SRC: variants seen among roughly 807,000 people sequenced by gnomAD.
The protein encoded by SRC is SRC proto-oncogene, non-receptor tyrosine kinase.
SRC carries 13 observed loss-of-function variants against 62.9 expected under a neutral mutation model. The ratio of observed to expected loss-of-function variants is 0.21; its 90% CI spans 0.13 to 0.33. The LOEUF (loss-of-function observed/expected upper bound fraction) is 0.33, where lower values mean the gene tolerates loss of function less well. Ranked by LOEUF, SRC falls within the 10% of genes least tolerant of loss-of-function variation. The probability of loss-of-function intolerance (pLI) is 1.00; values close to 1 mark genes in which losing one functional copy is unlikely to be tolerated. For missense variants in SRC, 457 were observed against 737.3 expected (o/e 0.62, Z 4.40); for synonymous variants, 302 against 317.5 (o/e 0.95, Z 0.52).
intron 1 of SRC, among the ~76,000 whole-genome samples, chr20:37,362,371 T>G (rs927049925): frequency 6.6e-6 from 1 of 152,074 alleles, no homozygotes; most frequent in African/African-American, 2.4e-5. Context: ...GCACAGTGAT[T>G]CTCATGGAAG....
chr20:37,382,712 C>T lies in SRC; in HGVS notation c.-79C>T, dbSNP rs1256315483. 1.3e-5 allele frequency: 2 copies of T among 152,234 alleles called. No individual in the cohort carries two copies. The highest frequency in any genetic ancestry group is 2.9e-5 in the Non-Finnish European group (2 of 68,058). The allele number at this position is 152,234 out of a possible 1,614,324, so 9.4% of individuals were successfully genotyped here. ...AGGGCCTCTATTTCGAGACCCCTGA[C>T]TCCACACCTGGTGTTTGTGCCAAGA... is the stretch of plus-strand genomic sequence containing the variant. On this transcript the variant is annotated 5_prime_UTR_variant, in exon 3 of 14. Coordinates refer to ENST00000373578, the MANE Select transcript of SRC (RefSeq NM_198291.3).
intron 5 of SRC, 114 bp downstream of exon 5, chr20:37,386,288 G>T: frequency 9.4e-7 from 1 of 1,060,960 alleles, no homozygotes. Flanking sequence ...CCAGGGCAGT[G>T]CGAAGCCCAG....
intron 1 of SRC, among the ~76,000 whole-genome samples, chr20:37,361,036 T>TG (rs890051503): frequency 2.7e-4 from 37 of 138,348 alleles, no homozygotes; most frequent in African/African-American, 7.5e-4. Context: ...TCTCAGCTTG[T>TG]GGGGGGGCAG....
At chr20:37,346,442 C>T (rs1239714705) in intron 1 of SRC, among the ~76,000 whole-genome samples, 187 bp downstream of exon 1, 2 of 149,026 alleles carry the variant, frequency 1.3e-5, no homozygotes, top group Admixed American at 6.6e-5. Context: ...CCATGCCCGG[C>T]GCGGCCTTTT....
chr20:37,381,105 C>T (rs909817879), intron 2 of SRC, among the ~76,000 whole-genome samples: 1 of 152,146 alleles, frequency 6.6e-6, no homozygotes, highest in Non-Finnish European at 1.5e-5. Context: ...CGGCTCTTAA[C>T]CTCAACCGTC....
At chr20:37,350,531 G>T (rs1267914330) in intron 1 of SRC, among the ~76,000 whole-genome samples, 1 of 152,188 alleles carries the variant, frequency 6.6e-6, no homozygotes, top group Admixed American at 6.5e-5. Context: ...GGGAGACCCA[G>T]TAGAGGCCTC....
intron 1 of SRC, among the ~76,000 whole-genome samples, chr20:37,348,830 A>G (rs1600946459): frequency 6.6e-6 from 1 of 152,282 alleles, no homozygotes; most frequent in East Asian, 1.9e-4. Flanking sequence ...AATCTTGAAG[A>G]GGGCATGTAG....
rs1328205125 is a variant in SRC, at chr20:37,397,801, C to T, written c.806C>T (p.Ser269Leu). The T allele has an allele frequency of 7.4e-6, 12 of 1,612,134 alleles. No homozygotes were observed. The highest frequency in any genetic ancestry group is 4.5e-5 in the East Asian group (2 of 44,880). The change falls in exon 9 of 14, where the codon TCG becomes TTG. Residue 269 changes from serine (S) to leucine (L), a missense_variant. Coordinates refer to ENST00000373578, the MANE Select transcript of SRC (RefSeq NM_198291.3). This position sits in a 1 kb window ranked among gnomAD's most constrained non-coding sequence, Gnocchi z 4.1. ...AKDAWEIPRE[S>L]LRLEVKLGQG... is the part of the protein sequence containing the mutation. Reference sequence around the variant, plus strand: ...GATGCCTGGGAGATCCCTCGGGAGTCGCTGCGGCTGGAGGTCAAGCTGGGC... The same window carrying T: ...GATGCCTGGGAGATCCCTCGGGAGTTGCTGCGGCTGGAGGTCAAGCTGGGC...
intron 2 of SRC, among the ~76,000 whole-genome samples, chr20:37,368,556 T>TTG (rs2070109471): frequency 7.3e-6 from 1 of 136,788 alleles, no homozygotes; most frequent in African/African-American, 2.7e-5. Flanking sequence ...TTTTTTTTTT[T>TTG]TTGTTTTTTT....
intron 5 of SRC, among the ~76,000 whole-genome samples, chr20:37,389,985 G>C (rs563669365): frequency 6.6e-6 from 1 of 152,124 alleles, no homozygotes; most frequent in Non-Finnish European, 1.5e-5. Context: ...ACTGGTGACC[G>C]CAGCCACCGG....
At chr20:37,379,991 G>A (rs1487787805) in intron 2 of SRC, among the ~76,000 whole-genome samples, 4 of 141,140 alleles carry the variant, frequency 2.8e-5, no homozygotes, top group African/African-American at 5.2e-5. Context: ...GAAAAAGACC[G>A]AGAGAGCTTG....
rs1568625190 is a variant in SRC at position 37,368,528 on chromosome 20, T to G, written c.-173+3251T>G. Among the ~76,000 whole-genome samples, 16 of 124,588 alleles carry G rather than the reference T, an allele frequency of 1.3e-4. 2 individuals are homozygous for G. Among genetic ancestry groups the G allele is most frequent in the African/African-American group, 2.6e-4 (7 of 27,260 alleles). The allele number at this position is 124,588 out of a possible 152,430, so 81.7% of individuals were successfully genotyped here. A position where few individuals can be genotyped will look rare whatever the true frequency, so the allele number is the denominator to read the frequency against. ...TTATGCCTATATTTTCTTTTTTTTT[T>G]TTTTTTTTTTTTTTTGTTTTTTTTT... On this transcript the variant is annotated intron_variant, in intron 2 of 13. Transcript: ENST00000373578.
intron 2 of SRC, among the ~76,000 whole-genome samples, chr20:37,365,657 T>C (rs1401232564): frequency 6.6e-6 from 1 of 152,028 alleles, no homozygotes; most frequent in Non-Finnish European, 1.5e-5. Context: ...ACAATCATGC[T>C]CACCGTAGCT....
chr20:37,373,816 T>C (rs1341128624), intron 2 of SRC, among the ~76,000 whole-genome samples: 2 of 152,228 alleles, frequency 1.3e-5, no homozygotes, highest in African/African-American at 4.8e-5. Flanking sequence ...CCCATATGTT[T>C]CAGGACAACT....
At chr20:37,380,492 G>A (rs998677744) in intron 2 of SRC, among the ~76,000 whole-genome samples, 1 of 152,226 alleles carries the variant, frequency 6.6e-6, no homozygotes, top group Admixed American at 6.5e-5. Context: ...AGTACTTAGA[G>A]CAAGGTCCAA....
rs770499766 is a variant in SRC, at chr20:37,404,001, G to C, written c.*622G>C. ...CTCAAACCCTGCCCTCCTTAGACCT[G>C]AGGGACCCTTCGAGATCATCACTTC... On this transcript the variant is annotated 3_prime_UTR_variant, in exon 14 of 14. Transcript: ENST00000373578. 8.5e-6 allele frequency: 2 copies of C among 235,698 alleles called. No individual in the cohort carries two copies. Among genetic ancestry groups the C allele is most frequent in the Non-Finnish European group, 1.7e-5 (2 of 119,316 alleles). 14.6% of individuals were successfully genotyped at this position (235,698 alleles called of 1,614,324 possible).
Position 37,372,627 on chromosome 20 carries a change from G to A in SRC, c.-173+7350G>A, listed in dbSNP as rs1257744277. Among the ~76,000 whole-genome samples the A allele has an allele frequency of 2.0e-5, 3 of 152,134 alleles. No individual in the cohort carries two copies. In the East Asian group the frequency reaches 5.8e-4, roughly 29 times the overall value. On this transcript the variant is annotated intron_variant, in intron 2 of 13. Transcript: ENST00000373578. ...GTCTATCCTGGAGAATGTTCCATGT[G>A]CACTTGAGAAGAACGTGTATCTGCT...
Position 37,402,064 on chromosome 20 carries a change from A to T in SRC, c.1117-371A>T, listed in dbSNP as rs1041625159. 3.3e-6 allele frequency: 1 copy of T among 302,352 alleles called. No individual in the cohort carries two copies. Among genetic ancestry groups the T allele is most frequent in the Non-Finnish European group, 6.1e-6 (1 of 165,136 alleles). 18.7% of individuals were successfully genotyped at this position (302,352 alleles called of 1,614,324 possible). A position where few individuals can be genotyped will look rare whatever the true frequency, so the allele number is the denominator to read the frequency against. ...GTGACGAGGATTGGCTGTTATTCCCATTGGACGGATGAGAAAACTGAGGCT... is the reference window on the plus strand; with the variant it reads ...GTGACGAGGATTGGCTGTTATTCCCTTTGGACGGATGAGAAAACTGAGGCT... On this transcript the variant is annotated intron_variant, in intron 11 of 13. Coordinates refer to ENST00000373578, the MANE Select transcript of SRC (RefSeq NM_198291.3). This position sits in a 1 kb window ranked among gnomAD's most constrained non-coding sequence, Gnocchi z 6.2.
chr20:37,373,243 T>C (rs188246244), intron 2 of SRC, among the ~76,000 whole-genome samples: 4 of 91,670 alleles, frequency 4.4e-5, no homozygotes, highest in East Asian at 6.0e-4. Context: ...TGCACATATG[T>C]ACACACGCAC....
Sources: allele counts gnomAD v4.1 joint callset (sites outside exome capture counted in the v4.1 genomes callset), GRCh38; gene constraint gnomAD v4.1.1; non-coding constraint Gnocchi (gnomAD v3.1); transcripts MANE v1.5; gene names NCBI Gene and HGNC (gene_info 2026-07-23, HGNC 2026-07-21).